Variants in AKR1C4 observed in about 807,000 individuals in gnomAD.
AKR1C4 encodes the protein aldo-keto reductase family 1 member C4.
AKR1C4 carries 44 observed loss-of-function variants against 41.0 expected under a neutral mutation model. That is an observed-to-expected ratio of 1.07 (90% CI 0.84 to 1.38). The LOEUF is 1.38. AKR1C4 is among the 40% of genes most tolerant of loss of function. The probability of loss-of-function intolerance (pLI) is 0.00; values close to 1 mark genes in which losing one functional copy is unlikely to be tolerated. For missense variants in AKR1C4, 438 were observed against 387.9 expected (o/e 1.13, Z -1.09); for synonymous variants, 165 against 137.7 (o/e 1.20, Z -1.39).
chr10:5,212,188 A>G (rs1253593274), intron 5 of AKR1C4, among the ~76,000 whole-genome samples: 1 of 152,202 alleles, frequency 6.6e-6, no homozygotes, highest in African/African-American at 2.4e-5. Flanking sequence ...TTTGTAATTC[A>G]TTTTATTCAT....
At chr10:5,207,613 G>A in intron 5 of AKR1C4, 4 of 1,163,052 alleles carry the variant, frequency 3.4e-6, no homozygotes, top group South Asian at 2.4e-5. Context: ...GTTAGCAATG[G>A]TTGAACTAAG....
At chr10:5,216,576 A>G in intron 7 of AKR1C4, 135 bp from the exon 8 acceptor site, 1 of 612,778 alleles carries the variant, frequency 1.6e-6, no homozygotes, top group Non-Finnish European at 2.9e-6. Flanking sequence ...GAGTTTAGAG[A>G]TGGTCTTTCA....
chr10:5,200,515 T>C (rs1832384288), intron 2 of AKR1C4, among the ~76,000 whole-genome samples, 167 bp downstream of exon 2: 1 of 152,264 alleles, frequency 6.6e-6, no homozygotes, highest in African/African-American at 2.4e-5. Context: ...AGAATGATGA[T>C]GCCTTTCTCA....
intron 1 of AKR1C4, among the ~76,000 whole-genome samples, chr10:5,199,339 C>A (rs1452794011): frequency 6.6e-6 from 1 of 151,780 alleles, no homozygotes; most frequent in Non-Finnish European, 1.5e-5. Flanking sequence ...ATACAGAAAG[C>A]GGGAAGGGAA....
intron 5 of AKR1C4, among the ~76,000 whole-genome samples, chr10:5,209,235 A>G (rs556400651): frequency 9.9e-5 from 15 of 152,170 alleles, no homozygotes; most frequent in Non-Finnish European, 1.8e-4. Flanking sequence ...GCTGGGTGAA[A>G]TAAGAGGGAA....
chr10:5,212,407 T>G (rs1832589228), intron 5 of AKR1C4, among the ~76,000 whole-genome samples: 1 of 152,236 alleles, frequency 6.6e-6, no homozygotes, highest in Non-Finnish European at 1.5e-5. Context: ...AAACTGGCTC[T>G]GGTTCATAGA....
chr10:5,216,723 C>T lies in AKR1C4; in HGVS notation c.859C>T (p.Gln287Ter), dbSNP rs782364741. 1.2e-6 allele frequency: 2 copies of T among 1,609,588 alleles called. No homozygotes were observed. The highest frequency in any genetic ancestry group is 2.2e-5 in the South Asian group (2 of 90,006). Residue 287 changes from glutamine (Q) to a stop codon, truncating the protein, a stop_gained, in exon 8 of 9, where the codon CAG (glutamine) becomes TAG (stop). Transcript: ENST00000263126. LOFTEE classifies it high-confidence loss of function. Reference protein sequence around the residue: ...IRENIQVFEFQLTSEDMKVLD... With the variant: ...IRENIQVFEF ...ACTTCTTTGGTAGGTTTTTGAATTC[C>T]AGTTGACATCAGAGGATATGAAAGT...
At position 5,218,851 on chromosome 10, in the gene AKR1C4, C is replaced by T; in HGVS notation, c.*91C>T. On this transcript the variant is annotated 3_prime_UTR_variant, in exon 9 of 9. Coordinates refer to ENST00000263126, the MANE Select transcript of AKR1C4 (RefSeq NM_001818.5). ...TCTATGCTGGTGACTGGACACACAG[C>T]CTCTGGTTAAATCCCTCCCCTCCTG... 8.0e-7 allele frequency: 1 copy of T among 1,250,110 alleles called. No homozygotes were observed. The highest frequency in any genetic ancestry group is 1.2e-6 in the Non-Finnish European group (1 of 861,828). 77.4% of individuals were successfully genotyped at this position (1,250,110 alleles called of 1,614,324 possible).
At chr10:5,216,895 C>A (rs1371201016) in intron 8 of AKR1C4, 102 bp downstream of exon 8, 3 of 742,794 alleles carry the variant, frequency 4.0e-6, no homozygotes, top group East Asian at 2.8e-5. Context: ...GAGGCCAGTG[C>A]AAGTGAGAGG....
chr10:5,216,738 G>A lies in AKR1C4; in HGVS notation c.874G>A (p.Asp292Asn), dbSNP rs1350632183. The change falls in exon 8 of 9, where the codon GAT (aspartate) becomes AAT (asparagine). Residue 292 changes from aspartate to asparagine, a missense_variant. Asp to Asn is a conservative substitution (Grantham distance 23). Transcript: ENST00000263126. ...TTTTGAATTCCAGTTGACATCAGAG[G>A]ATATGAAAGTTCTAGATGGTCTAAA... ...QVFEFQLTSE[D>N]MKVLDGLNRN... 1.9e-6 allele frequency: 3 copies of A among 1,612,010 alleles called. No individual in the cohort carries two copies. Among genetic ancestry groups the A allele is most frequent in the Non-Finnish European group, 2.5e-6 (3 of 1,178,818 alleles).
At position 5,206,416 on chromosome 10, in the gene AKR1C4, C is replaced by CT. The variant is rs1832488386; in HGVS notation, c.570+20dup. ...CAACCAGGTGAGCACCCTCAGCCTC[C>CT]TCTCCTTTCTCTTCTCAATGTCCAT... On this transcript the variant is annotated intron_variant, in intron 5 of 8. Transcript: ENST00000263126. 1 of 1,613,758 alleles carries CT rather than the reference C, an allele frequency of 6.2e-7. No individual in the cohort carries two copies. The highest frequency in any genetic ancestry group is 1.1e-5 in the South Asian group (1 of 91,052).
intron 5 of AKR1C4, chr10:5,207,638 G>A: frequency 8.6e-7 from 1 of 1,161,234 alleles, no homozygotes; most frequent in Non-Finnish European, 1.2e-6. Context: ...TCAACTCCTT[G>A]GCATTTGCAG....
At chr10:5,205,968 T>C in intron 4 of AKR1C4, 134 bp downstream of exon 4, 1 of 1,025,230 alleles carries the variant, frequency 9.8e-7, no homozygotes, top group Non-Finnish European at 1.4e-6. Flanking sequence ...GAAGTTTTGC[T>C]GAGTGGTAGG....
At chr10:5,212,216 C>G (rs1012295623) in intron 5 of AKR1C4, among the ~76,000 whole-genome samples, 1 of 152,170 alleles carries the variant, frequency 6.6e-6, no homozygotes, top group Non-Finnish European at 1.5e-5. Flanking sequence ...TTTTGATGCT[C>G]AAATCTATGC....
intron 5 of AKR1C4, among the ~76,000 whole-genome samples, chr10:5,210,440 G>T (rs1554797812): frequency 6.6e-6 from 1 of 152,162 alleles, no homozygotes; most frequent in East Asian, 1.9e-4. Context: ...AGCTCCACTA[G>T]GTGGTGCCCC....
intron 3 of AKR1C4, among the ~76,000 whole-genome samples, 199 bp from the exon 4 acceptor site, chr10:5,205,558 T>C (rs1349619523): frequency 1.3e-5 from 2 of 152,170 alleles, no homozygotes; most frequent in African/African-American, 2.4e-5. Flanking sequence ...ATATATATAA[T>C]GGAAGTAGGA....
intron 5 of AKR1C4, among the ~76,000 whole-genome samples, chr10:5,210,907 G>GC (rs1469220171): frequency 6.6e-6 from 1 of 152,204 alleles, no homozygotes. Context: ...ACCACGACCA[G>GC]CCCCATACCT....
intron 5 of AKR1C4, among the ~76,000 whole-genome samples, chr10:5,209,917 T>C (rs1486578018): frequency 6.6e-6 from 1 of 152,154 alleles, no homozygotes; most frequent in Non-Finnish European, 1.5e-5. Flanking sequence ...AAACCAATCA[T>C]GCATTCCCAA....
At chr10:5,203,679 GAA>G (rs1238708937) in intron 2 of AKR1C4, among the ~76,000 whole-genome samples, 1 of 152,120 alleles carries the variant, frequency 6.6e-6, no homozygotes, top group Non-Finnish European at 1.5e-5. Context: ...TTGCTTCTTG[GAA>G]AAAAGTTTGC....
Sources: allele counts gnomAD v4.1 joint callset (sites outside exome capture counted in the v4.1 genomes callset), GRCh38; gene constraint gnomAD v4.1.1; transcripts MANE v1.5; gene names NCBI Gene and HGNC (gene_info 2026-07-23, HGNC 2026-07-21).